Variants in PRICKLE1 observed in about 807,000 individuals in gnomAD.
PRICKLE1 encodes the protein prickle-like protein 1.
In PRICKLE1, 14 loss-of-function variants were observed where a neutral mutation model predicts 70.2. That is an observed-to-expected ratio of 0.20 (90% CI 0.13 to 0.31). The LOEUF is 0.31. PRICKLE1 is among the 10% of genes least tolerant of loss of function. The pLI is 1.00. For missense variants in PRICKLE1, 821 were observed against 1,026.2 expected (o/e 0.80, Z 2.73); for synonymous variants, 357 against 379.9 (o/e 0.94, Z 0.70).
chr12:42,483,671 G>C (rs1426329646), intron 1 of PRICKLE1: 1 of 151,542 alleles, frequency 6.6e-6, no homozygotes, highest in East Asian at 2.0e-4. Flanking sequence ...TGGCGGGCGA[G>C]GGGTCGCCCC....
chr12:42,544,677 A>C (rs1184819596), intron 1 of PRICKLE1, among the ~76,000 whole-genome samples: 3 of 152,200 alleles, frequency 2.0e-5, no homozygotes. Context: ...TGCTCTTAAA[A>C]ATTTTTATTT....
At chr12:42,557,500 T>G (rs966847569) in intron 1 of PRICKLE1, among the ~76,000 whole-genome samples, 3 of 152,188 alleles carry the variant, frequency 2.0e-5, no homozygotes, top group African/African-American at 7.2e-5. Context: ...CAACATATGC[T>G]TCCCTGAAAA....
chr12:42,490,849 T>G (rs1274353376), intron 1 of PRICKLE1, among the ~76,000 whole-genome samples: 1 of 152,176 alleles, frequency 6.6e-6, no homozygotes, highest in Non-Finnish European at 1.5e-5. Context: ...AGGACTTATA[T>G]TTCTAAGCTC....
intron 6 of PRICKLE1, chr12:42,465,970 A>G (rs545423870): frequency 3.3e-6 from 2 of 601,318 alleles, no homozygotes; most frequent in East Asian, 5.8e-5. Flanking sequence ...TCACTAATCC[A>G]GTGTTTGCAG....
intron 1 of PRICKLE1, among the ~76,000 whole-genome samples, chr12:42,525,838 G>A (rs1385177160): frequency 6.6e-6 from 1 of 151,898 alleles, no homozygotes; most frequent in African/African-American, 2.4e-5. Flanking sequence ...GATGTAGGCA[G>A]TAAAAGTGAT....
intron 1 of PRICKLE1, among the ~76,000 whole-genome samples, chr12:42,517,745 C>T (rs1221742446): frequency 6.6e-6 from 1 of 152,074 alleles, no homozygotes; most frequent in Non-Finnish European, 1.5e-5. Context: ...CTTGAGGTCC[C>T]TAGTCTAAAG....
In PRICKLE1 at chr12:42,561,368, C is replaced by T. The variant is rs144500519; in HGVS notation, c.-49+28097G>A. Among the ~76,000 whole-genome samples the T allele has an allele frequency of 2.9e-3, 435 of 152,258 alleles. 1 individual carries two copies. Among genetic ancestry groups the T allele is most frequent in the African/African-American group, 9.8e-3 (408 of 41,568 alleles). ...ACTTTTCTGACCTTCTTTCTTCTAC[C>T]AAACTTTCTGATTACTCCACCCAAG... is the stretch of plus-strand genomic sequence containing the variant. On this transcript the variant is annotated intron_variant, in intron 1 of 7. Transcript: ENST00000345127.
chr12:42,560,768 TCACACACACACACACACACA>T (rs71084672), intron 1 of PRICKLE1, among the ~76,000 whole-genome samples: 1 of 127,744 alleles, frequency 7.8e-6, no homozygotes, highest in African/African-American at 4.0e-5. Flanking sequence ...GCCCATCTTC[TCACACACACACACACACACA>T]CACACACACA....
intron 1 of PRICKLE1, among the ~76,000 whole-genome samples, chr12:42,512,139 G>T (rs1004321532): frequency 3.3e-5 from 5 of 151,912 alleles, no homozygotes; most frequent in African/African-American, 9.7e-5. Context: ...AAAAGATAGG[G>T]TTCAGACAAA....
In PRICKLE1 at chr12:42,553,718, G is replaced by A. The variant is rs191907235; in HGVS notation, c.-49+35747C>T. Among the ~76,000 whole-genome samples, 159 of 152,220 alleles carry A rather than the reference G, an allele frequency of 1.0e-3. 2 individuals carry two copies. Among genetic ancestry groups the A allele is most frequent in the Admixed American group, 4.9e-3 (75 of 15,300 alleles). ...AGTTAAGACAATGGCTTGTAGGGTC[G>A]CACTGCTGGGGTTCAAGTCTGGTTC... On this transcript the variant is annotated intron_variant, in intron 1 of 7. Coordinates refer to ENST00000345127, the MANE Select transcript of PRICKLE1 (RefSeq NM_153026.3).
intron 1 of PRICKLE1, among the ~76,000 whole-genome samples, chr12:42,538,195 T>C (rs536407299): frequency 1.3e-5 from 2 of 152,300 alleles, no homozygotes; most frequent in South Asian, 4.2e-4. Flanking sequence ...TTGTCCAATA[T>C]AGTAGCCATT....
rs377553282 is a variant in PRICKLE1, at chr12:42,572,820, T to C, written c.-49+16645A>G. 3.5e-4 allele frequency among the ~76,000 whole-genome samples: 53 copies of C among 152,220 alleles called. No homozygotes were observed. The East Asian group carries it at 8.3e-3, about 24-fold the overall frequency. The stretch of plus-strand genomic sequence containing the variant: ...TCCAGTCTGGGCAACAGAGCAAGAC[T>C]CTGTCTCAAAGGAAAAAAAATTTTA... On this transcript the variant is annotated intron_variant, in intron 1 of 7. Coordinates refer to ENST00000345127, the MANE Select transcript of PRICKLE1 (RefSeq NM_153026.3).
At chr12:42,525,221 G>T (rs1445354040) in intron 1 of PRICKLE1, among the ~76,000 whole-genome samples, 1 of 152,236 alleles carries the variant, frequency 6.6e-6, no homozygotes, top group Non-Finnish European at 1.5e-5. Flanking sequence ...GGAGGTTCCT[G>T]AAGGGCAGTA....
intron 1 of PRICKLE1, among the ~76,000 whole-genome samples, chr12:42,533,203 T>A (rs1169676231): frequency 2.0e-5 from 3 of 148,060 alleles, no homozygotes; most frequent in Non-Finnish European, 3.0e-5. Context: ...GGGATAGATT[T>A]TTTTTTCTTC....
intron 1 of PRICKLE1, among the ~76,000 whole-genome samples, chr12:42,531,043 CTTTTTT>C (rs141334021): frequency 0.54 from 53,269 of 99,530 alleles, 12,805 homozygotes; most frequent in Middle Eastern, 0.56. Flanking sequence ...ATGTTAAGGG[CTTTTTT>C]TTTTTTTTTT....
chr12:42,561,537 A>G (rs1465492271), intron 1 of PRICKLE1, among the ~76,000 whole-genome samples: 2 of 152,240 alleles, frequency 1.3e-5, no homozygotes, highest in Non-Finnish European at 2.9e-5. Context: ...TATTCTGTCC[A>G]AGAATGTATA....
chr12:42,467,049 A>G (rs1386125935), intron 5 of PRICKLE1, among the ~76,000 whole-genome samples: 1 of 151,642 alleles, frequency 6.6e-6, no homozygotes, highest in Non-Finnish European at 1.5e-5. Flanking sequence ...AGCTAATTTG[A>G]AAAACATTTT....
At chr12:42,515,383 G>A (rs549206214) in intron 1 of PRICKLE1, among the ~76,000 whole-genome samples, 535 of 151,932 alleles carry the variant, frequency 3.5e-3, no homozygotes, top group African/African-American at 0.012. Flanking sequence ...GGGATTACAG[G>A]TGTCTGCCAC....
intron 1 of PRICKLE1, among the ~76,000 whole-genome samples, chr12:42,494,162 T>A (rs543646892): frequency 6.6e-6 from 1 of 152,338 alleles, no homozygotes; most frequent in East Asian, 1.9e-4. Context: ...ATCTTTTTGC[T>A]GGTGGAGGGA....
Sources: allele counts gnomAD v4.1 joint callset (sites outside exome capture counted in the v4.1 genomes callset), GRCh38; gene constraint gnomAD v4.1.1; transcripts MANE v1.5; gene names NCBI Gene and HGNC (gene_info 2026-07-23, HGNC 2026-07-21).